Variants in COL4A3 observed in about 807,000 individuals in gnomAD.
COL4A3 encodes the protein collagen type IV alpha 3 chain.
COL4A3 carries 135 observed loss-of-function variants against 217.4 expected under a neutral mutation model. The observed-to-expected ratio is 0.62, with a 90% CI of 0.54 to 0.72. The LOEUF is 0.72. Among genes scored for constraint, COL4A3 ranks in the 30% least tolerant of loss-of-function variants. The pLI is 0.00. For synonymous variants in COL4A3, 690 were observed against 736.3 expected (o/e 0.94, Z 1.02); for missense variants, 1,868 against 2,119.9 (o/e 0.88, Z 2.33).
intron 41 of COL4A3, among the ~76,000 whole-genome samples, chr2:227,295,780 C>T (rs1265928707): frequency 6.6e-6 from 1 of 152,130 alleles, no homozygotes; most frequent in Non-Finnish European, 1.5e-5. Flanking sequence ...AAAGGCGACC[C>T]AGAGAGTCTC....
Position 227,251,161 on chromosome 2 carries a change from T to A in COL4A3, c.568T>A (p.Phe190Ile), listed in dbSNP as rs371173786. The A allele has an allele frequency of 4.3e-6, 7 of 1,613,842 alleles. No individual in the cohort carries two copies. In the Admixed American group the frequency reaches 6.7e-5, roughly 15 times the overall value. ...GPQGLPGPPG[F>I]PGPVGPPGPP... ...CAAGGGTTTGCCAGGCCCTCCAGGT[T>A]TTCCTGGGCCTGTTGGCCCACCTGG... Residue 190 changes from phenylalanine to isoleucine, a missense_variant, in exon 10 of 52, where the codon TTT (phenylalanine) becomes ATT (isoleucine). Physicochemically the swap from Phe to Ile is conservative, Grantham distance 21 (BLOSUM62 0). Around this residue, in one of 2 missense-constraint regions of COL4A3, gnomAD observed 365 missense variants for 333.8 expected, o/e 1.09. Transcript: ENST00000396578.
chr2:227,273,148 C>T, intron 26 of COL4A3, 31 bp downstream of exon 26: 1 of 1,611,114 alleles, frequency 6.2e-7, no homozygotes, highest in East Asian at 2.2e-5. Context: ...GTCCTGTTTT[C>T]CGATGGAGTG....
chr2:227,287,701 C>G (rs2072420924), intron 34 of COL4A3, among the ~76,000 whole-genome samples: 1 of 152,202 alleles, frequency 6.6e-6, no homozygotes, highest in African/African-American at 2.4e-5. Context: ...ACCTTCTTCA[C>G]CCAATTAGTT....
chr2:227,282,038 G>A lies in COL4A3; in HGVS notation c.2489-327G>A, dbSNP rs527424712. 2.6e-5 allele frequency among the ~76,000 whole-genome samples: 4 copies of A among 152,292 alleles called. No individual in the cohort carries two copies. Among genetic ancestry groups the A allele is most frequent in the African/African-American group, 7.2e-5 (3 of 41,548 alleles). ...TGTAATCCCAGCACTATGGGAGGCC[G>A]AGGTGGGCGGATCATTTGAGGTCAG... On this transcript the variant is annotated intron_variant, in intron 31 of 51. Coordinates refer to ENST00000396578, the MANE Select transcript of COL4A3 (RefSeq NM_000091.5). This position sits in a 1 kb window ranked among gnomAD's most constrained non-coding sequence, Gnocchi z 4.4.
intron 25 of COL4A3, among the ~76,000 whole-genome samples, chr2:227,272,515 G>A (rs2071302082): frequency 6.6e-6 from 1 of 152,216 alleles, no homozygotes; most frequent in African/African-American, 2.4e-5. Flanking sequence ...CAGTTTATGA[G>A]AGAAAATGGA....
At chr2:227,172,748 G>A (rs1361230962) in intron 1 of COL4A3, among the ~76,000 whole-genome samples, 4 of 151,658 alleles carry the variant, frequency 2.6e-5, no homozygotes, top group Non-Finnish European at 4.4e-5. Flanking sequence ...CACCACACCC[G>A]GCTAATTTTT....
intron 1 of COL4A3, among the ~76,000 whole-genome samples, chr2:227,219,911 T>C (rs2067694031): frequency 6.6e-6 from 1 of 152,142 alleles, no homozygotes; most frequent in African/African-American, 2.4e-5. Flanking sequence ...ATCCTGTCCT[T>C]TGAGGTTTAA....
chr2:227,288,951 GTT>G lies in COL4A3; in HGVS notation c.2882-183_2882-182del, dbSNP rs200614219. Among the ~76,000 whole-genome samples, 281 of 133,360 alleles carry G rather than the reference GTT, an allele frequency of 2.1e-3. 2 individuals carry two copies. Among genetic ancestry groups the G allele is most frequent in the African/African-American group, 5.1e-3 (183 of 35,634 alleles). The allele number at this position is 133,360 out of a possible 152,430, so 87.5% of individuals were successfully genotyped here. ...TTTGATGCCTGGTTTTTTGTTTTGG[GTT>G]TTTTTTTTTTTTTTTGAGATGGAGT... On this transcript the variant is annotated intron_variant, in intron 34 of 51. Transcript: ENST00000396578.
At chr2:227,277,094 C>T (rs1397570035) in intron 27 of COL4A3, among the ~76,000 whole-genome samples, 8 of 151,996 alleles carry the variant, frequency 5.3e-5, no homozygotes, top group South Asian at 4.1e-4. Flanking sequence ...CCGACGCAGG[C>T]GGATCACGAG....
At chr2:227,288,184 C>T (rs1471569653) in intron 34 of COL4A3, among the ~76,000 whole-genome samples, 1 of 151,764 alleles carries the variant, frequency 6.6e-6, no homozygotes, top group African/African-American at 2.4e-5. Flanking sequence ...GCAACCTCCG[C>T]CTCCTAGGTT....
At chr2:227,305,224 G>A (rs2073452789) in intron 47 of COL4A3, 141 bp downstream of exon 47, 3 of 747,242 alleles carry the variant, frequency 4.0e-6, no homozygotes, top group Admixed American at 2.2e-5. Flanking sequence ...AGGATCAAAT[G>A]TTCATTTGGA....
chr2:227,168,892 A>C (rs981755322), intron 1 of COL4A3, among the ~76,000 whole-genome samples: 5 of 149,494 alleles, frequency 3.3e-5, no homozygotes, highest in African/African-American at 4.9e-5. Context: ...TCTTTTTTTT[A>C]TTTTATTATT....
chr2:227,269,931 T>C lies in COL4A3; in HGVS notation c.1526T>C (p.Leu509Ser). 6.2e-7 allele frequency: 1 copy of C among 1,613,922 alleles called. No homozygotes were observed. The highest frequency in any genetic ancestry group is 1.3e-5 in the African/African-American group (1 of 75,048). The change falls in exon 24 of 52, where the codon TTG (leucine) becomes TCG (serine). Residue 509 changes from leucine to serine, a missense_variant. Around this residue, in one of 2 missense-constraint regions of COL4A3, gnomAD observed 1,503 missense variants for 1,786.1 expected, o/e 0.84. Transcript: ENST00000396578. ...GCAGGAAGACAAGGCGCAGCTGGCT[T>C]GAAAGGAAGCCCAGGGTCCCCAGGA... ...GIPGRQGAAG[L>S]KGSPGSPGNT... is the part of the protein sequence containing the mutation.
Position 227,309,247 on chromosome 2 carries a change from AG to A in COL4A3, c.4685del (p.Ser1562ThrfsTer53). On this transcript the variant is annotated frameshift_variant, in exon 50 of 52. Coordinates refer to ENST00000396578, the MANE Select transcript of COL4A3 (RefSeq NM_000091.5). LOFTEE classifies it high-confidence loss of function. ...TCCTGCGATCGCCATAGCCGTTCAC[AG>A]CCAAACCACTGACATTCCTCCATGT... is the stretch of plus-strand genomic sequence containing the variant. ...EGPAIAIAVH[S>X]QTTDIPPCPH... 6.2e-7 allele frequency: 1 copy of A among 1,614,230 alleles called. No individual in the cohort carries two copies. The highest frequency in any genetic ancestry group is 1.3e-5 in the African/African-American group (1 of 75,072).
chr2:227,189,789 C>T (rs896019823), intron 1 of COL4A3, among the ~76,000 whole-genome samples: 4 of 152,154 alleles, frequency 2.6e-5, no homozygotes, highest in Non-Finnish European at 5.9e-5. Flanking sequence ...CCTAGCATTT[C>T]AAAGATATCA....
chr2:227,291,840 G>A (rs2072761119), intron 37 of COL4A3, among the ~76,000 whole-genome samples: 1 of 152,168 alleles, frequency 6.6e-6, no homozygotes, highest in African/African-American at 2.4e-5. Context: ...GCAACCAGAT[G>A]TTTCAATAGG....
intron 8 of COL4A3, chr2:227,248,181 C>T (rs191857419): frequency 1.5e-5 from 6 of 393,946 alleles, no homozygotes; most frequent in Non-Finnish European, 1.9e-5. Context: ...CTCGGGTGAT[C>T]TGCCCGTTTT....
intron 1 of COL4A3, among the ~76,000 whole-genome samples, chr2:227,170,940 A>T (rs1163212925): frequency 2.0e-5 from 3 of 152,190 alleles, no homozygotes; most frequent in South Asian, 4.1e-4. Flanking sequence ...ACGGTAGCAA[A>T]TTAATTTATT....
intron 35 of COL4A3, 86 bp downstream of exon 35, chr2:227,289,334 G>T (rs904456651): frequency 9.1e-7 from 1 of 1,097,242 alleles, no homozygotes; most frequent in African/African-American, 1.6e-5. Flanking sequence ...GGCTTACTGG[G>T]TTTAAATATC....
Sources: allele counts gnomAD v4.1 joint callset (sites outside exome capture counted in the v4.1 genomes callset), GRCh38; gene constraint gnomAD v4.1.1; regional missense constraint gnomAD v4.1.1; non-coding constraint Gnocchi (gnomAD v3.1); transcripts MANE v1.5; gene names NCBI Gene and HGNC (gene_info 2026-07-23, HGNC 2026-07-21).